ST8SIA5: variants seen among roughly 807,000 people sequenced by gnomAD.
ST8SIA5 encodes alpha-2,8-sialyltransferase 8E.
ST8SIA5 carries 24 observed loss-of-function variants against 40.2 expected under a neutral mutation model. That is an observed-to-expected ratio of 0.60 (90% CI 0.43 to 0.84). ST8SIA5 has a LOEUF of 0.84. Among genes scored for constraint, ST8SIA5 ranks in the 40% least tolerant of loss-of-function variants. ST8SIA5 has a pLI of 0.00. For missense variants in ST8SIA5, 465 were observed against 498.5 expected, an observed-to-expected ratio of 0.93 and a Z score of 0.64; for synonymous variants, 198 against 201.8, an observed-to-expected ratio of 0.98 and a Z score of 0.16.
At chr18:46,720,424 G>A (rs955895148) in intron 1 of ST8SIA5, among the ~76,000 whole-genome samples, 4 of 152,070 alleles carry the variant, frequency 2.6e-5, no homozygotes, top group Non-Finnish European at 5.9e-5. Flanking sequence ...CCACACCCTC[G>A]GGCATGTCTG....
rs371961982 is a variant in ST8SIA5 at position 46,742,428 on chromosome 18, C to CA, written c.131+13949dup. 1.5e-3 allele frequency among the ~76,000 whole-genome samples: 229 copies of CA among 149,084 alleles called. 1 individual carries two copies. The Middle Eastern group carries it at 0.027, about 18-fold the overall frequency. ...CACCTAAAGCACAAGCAATCAACAA[C>CA]AAAAAAAAAATAGCAGAATTGGACT... On this transcript the variant is annotated intron_variant, in intron 1 of 6. Coordinates refer to ENST00000315087, the MANE Select transcript of ST8SIA5 (RefSeq NM_013305.6).
At chr18:46,745,410 A>T (rs575210837) in intron 1 of ST8SIA5, among the ~76,000 whole-genome samples, 1 of 152,234 alleles carries the variant, frequency 6.6e-6, no homozygotes, top group African/African-American at 2.4e-5. Flanking sequence ...ACAGAAATAC[A>T]AACTATCATC....
intron 1 of ST8SIA5, among the ~76,000 whole-genome samples, chr18:46,744,750 A>T (rs2144564752): frequency 6.6e-6 from 1 of 152,350 alleles, no homozygotes; most frequent in South Asian, 2.1e-4. Flanking sequence ...ACCCTAAATC[A>T]ACAGAATATA....
At chr18:46,707,598 C>A (rs180926798) in intron 1 of ST8SIA5, among the ~76,000 whole-genome samples, 1 of 152,326 alleles carries the variant, frequency 6.6e-6, no homozygotes. Context: ...GGTAGAGAGG[C>A]TTTCAGAACT....
At chr18:46,721,377 C>A in intron 1 of ST8SIA5, 1 of 1,536,140 alleles carries the variant, frequency 6.5e-7, no homozygotes, top group Non-Finnish European at 8.7e-7. Context: ...GCTGGAGTCA[C>A]TGCCGCTCTG....
At chr18:46,709,864 T>C (rs1480505058) in intron 1 of ST8SIA5, among the ~76,000 whole-genome samples, 1 of 152,222 alleles carries the variant, frequency 6.6e-6, no homozygotes, top group Non-Finnish European at 1.5e-5. Flanking sequence ...TCTTTTATTA[T>C]TGGAAATCAC....
At chr18:46,737,798 TCTCAC>T in intron 1 of ST8SIA5, among the ~76,000 whole-genome samples, 1 of 151,578 alleles carries the variant, frequency 6.6e-6, no homozygotes, top group Non-Finnish European at 1.5e-5. Flanking sequence ...TGAGACAGAG[TCTCAC>T]TGTGTCGCCC....
At chr18:46,707,422 T>C (rs1303168772) in intron 1 of ST8SIA5, among the ~76,000 whole-genome samples, 1 of 152,230 alleles carries the variant, frequency 6.6e-6, no homozygotes, top group Non-Finnish European at 1.5e-5. Context: ...ACTAGGGTAG[T>C]ACCTCCTCTT....
intron 1 of ST8SIA5, among the ~76,000 whole-genome samples, chr18:46,724,763 C>T (rs888674531): frequency 6.6e-6 from 1 of 152,080 alleles, no homozygotes; most frequent in African/African-American, 2.4e-5. Context: ...CACTTGAGGT[C>T]AGGAGTTCGA....
chr18:46,745,380 G>C (rs554933274), intron 1 of ST8SIA5, among the ~76,000 whole-genome samples: 3 of 152,018 alleles, frequency 2.0e-5, no homozygotes, highest in East Asian at 3.9e-4. Flanking sequence ...AATGATAAAG[G>C]GGATATCACC....
Position 46,692,743 on chromosome 18 carries a change from T to C in ST8SIA5, c.225-488A>G, listed in dbSNP as rs190276017. 4.3e-4 allele frequency among the ~76,000 whole-genome samples: 66 copies of C among 152,136 alleles called. No homozygotes were observed. In the Middle Eastern group the frequency reaches 0.017, roughly 39 times the overall value. ...TCTATATTCCTGATGCTCTGGCACC[T>C]GGTGCCTTGCTAATTCCTAGTTAGC... On this transcript the variant is annotated intron_variant, in intron 2 of 6. Transcript: ENST00000315087.
chr18:46,733,701 G>C (rs900530521), intron 1 of ST8SIA5, among the ~76,000 whole-genome samples: 2 of 152,192 alleles, frequency 1.3e-5, no homozygotes, highest in Admixed American at 6.5e-5. Context: ...ATGTGAGCAG[G>C]ACAGGAAGTG....
intron 1 of ST8SIA5, among the ~76,000 whole-genome samples, chr18:46,736,952 C>A (rs1012187715): frequency 4.6e-5 from 7 of 152,118 alleles, no homozygotes; most frequent in Admixed American, 1.3e-4. Flanking sequence ...CTGGAAGGAG[C>A]CAGCAAAGCC....
chr18:46,708,531 A>C (rs774373090), intron 1 of ST8SIA5, among the ~76,000 whole-genome samples: 2 of 152,106 alleles, frequency 1.3e-5, no homozygotes, highest in Non-Finnish European at 2.9e-5. Flanking sequence ...TTTCATTTGC[A>C]AACCAATCCA....
At chr18:46,715,745 AT>A (rs202220738) in intron 1 of ST8SIA5, among the ~76,000 whole-genome samples, 13 of 150,622 alleles carry the variant, frequency 8.6e-5, no homozygotes, top group African/African-American at 2.7e-4. Flanking sequence ...ATGTCTAGCT[AT>A]TTTTTTTTAT....
Position 46,707,526 on chromosome 18 carries a change from A to G in ST8SIA5, c.132-2862T>C, listed in dbSNP as rs528528422. On this transcript the variant is annotated intron_variant, in intron 1 of 6. Transcript: ENST00000315087. ...CTCCTGCATCCTCAACATCACTCAT[A>G]TACCCAACTAGGCAGCATCATGATT... is the stretch of plus-strand genomic sequence containing the variant. Among the ~76,000 whole-genome samples, 137 of 152,152 alleles carry G rather than the reference A, an allele frequency of 9.0e-4. 1 individual carries two copies. Among genetic ancestry groups the G allele is most frequent in the Middle Eastern group, 6.8e-3 (2 of 294 alleles).
In ST8SIA5 at chr18:46,668,523, A is replaced by T. The variant is rs943203487; in HGVS notation, c.*11519T>A. ...TGTCCTGGCTTTACTTGGGGAGGGAAGTGGCGGGGGATTGGTTCCAAACTG... is the reference window on the plus strand; with the variant it reads ...TGTCCTGGCTTTACTTGGGGAGGGATGTGGCGGGGGATTGGTTCCAAACTG... On this transcript the variant is annotated 3_prime_UTR_variant, in exon 7 of 7. Transcript: ENST00000315087. The T allele has an allele frequency of 3.3e-5, 5 of 152,752 alleles. No homozygotes were observed. The highest frequency in any genetic ancestry group is 1.2e-4 in the African/African-American group (5 of 41,468). The allele number at this position is 152,752 out of a possible 1,614,324, so 9.5% of individuals were successfully genotyped here. A position where few individuals can be genotyped will look rare whatever the true frequency, so the allele number is the denominator to read the frequency against.
intron 1 of ST8SIA5, among the ~76,000 whole-genome samples, chr18:46,714,680 CA>C (rs1185562550): frequency 3.9e-5 from 6 of 152,150 alleles, no homozygotes; most frequent in Non-Finnish European, 8.8e-5. Flanking sequence ...AGTGACTGAG[CA>C]GGGGGGGAAG....
In ST8SIA5 at chr18:46,674,244, C is replaced by T. The variant is rs1450685523; in HGVS notation, c.*5798G>A. 1 of 152,150 alleles carries T rather than the reference C, an allele frequency of 6.6e-6. No individual in the cohort carries two copies. The highest frequency in any genetic ancestry group is 2.4e-5 in the African/African-American group (1 of 41,422). The allele number at this position is 152,150 out of a possible 1,614,324, so 9.4% of individuals were successfully genotyped here. ...CAAGAAACACAGAAAATGTCTCTCC[C>T]TTCTTTCATTTAAACTAGAGGAAAA... On this transcript the variant is annotated 3_prime_UTR_variant, in exon 7 of 7. Coordinates refer to ENST00000315087, the MANE Select transcript of ST8SIA5 (RefSeq NM_013305.6).
Sources: gnomAD v4.1 joint callset for allele counts (sites outside exome capture counted in the v4.1 genomes callset) on GRCh38, gnomAD v4.1.1 for gene constraint, MANE v1.5 for transcripts, NCBI Gene and HGNC (gene_info 2026-07-23, HGNC 2026-07-21) for gene names.